Variants in SLC5A10 observed in about 807,000 individuals in gnomAD.
SLC5A10 encodes solute carrier family 5 member 10.
In SLC5A10, 55 loss-of-function variants were observed where a neutral mutation model predicts 68.9. The observed-to-expected ratio is 0.80, with a 90% CI of 0.64 to 1.00. The LOEUF (loss-of-function observed/expected upper bound fraction) is 1.00. SLC5A10 is among the 50% of genes least tolerant of loss of function. SLC5A10 has a pLI of 0.00. For synonymous variants in SLC5A10, 344 were observed against 344.8 expected (o/e 1.00, Z 0.02); for missense variants, 732 against 819.3 (o/e 0.89, Z 1.30).
Position 18,971,847 on chromosome 17 carries a change from T to C in SLC5A10, c.846+629T>C, listed in dbSNP as rs1350136166. 20 of 1,331,530 alleles carry C rather than the reference T, an allele frequency of 1.5e-5. No individual in the cohort carries two copies. Among genetic ancestry groups the C allele is most frequent in the Non-Finnish European group, 2.0e-5 (20 of 988,510 alleles). The allele number at this position is 1,331,530 out of a possible 1,614,324, so 82.5% of individuals were successfully genotyped here. ...GCACACAGGAGCCGGCAGGCCCGGG[T>C]TCGCCTCCTGGCTCTGCCATTCACC... On this transcript the variant is annotated intron_variant, in intron 8 of 14. Coordinates refer to ENST00000395645, the MANE Select transcript of SLC5A10 (RefSeq NM_001042450.4). This position sits in a 1 kb window ranked among gnomAD's most constrained non-coding sequence, Gnocchi z 5.5.
chr17:18,956,445 GTTTTTTCTTTTTTCTTTCTGTTTTT>G (rs1231316257), intron 1 of SLC5A10, among the ~76,000 whole-genome samples: 5 of 117,062 alleles, frequency 4.3e-5, no homozygotes, highest in Admixed American at 2.5e-4. Context: ...AAATTCTTCT[GTTTTTTCTTTTTTCTTTCTGTTTTT>G]TTTTTTTTTT....
intron 9 of SLC5A10, among the ~76,000 whole-genome samples, chr17:19,011,215 C>T (rs977322605): frequency 6.6e-6 from 1 of 152,220 alleles, no homozygotes; most frequent in Non-Finnish European, 1.5e-5. Flanking sequence ...GAAGCTGCTA[C>T]TGCCTTGGGG....
intron 9 of SLC5A10, chr17:18,979,169 T>C (rs2043065078): frequency 2.1e-6 from 1 of 485,222 alleles, no homozygotes. Flanking sequence ...GCTGCTGCCA[T>C]GCGTCTATGC....
rs753603133 is a variant in SLC5A10 at position 18,977,003 on chromosome 17, C to T, written c.982+14C>T. ...CATTGTTCCCAGGTAGGACGGGCTC[C>T]GGGCACTGAACCCAGGCTGCAGGGC... On this transcript the variant is annotated intron_variant, in intron 9 of 14. Coordinates refer to ENST00000395645, the MANE Select transcript of SLC5A10 (RefSeq NM_001042450.4). 65 of 1,610,234 alleles carry T rather than the reference C, an allele frequency of 4.0e-5. No individual in the cohort carries two copies. The highest frequency in any genetic ancestry group is 5.1e-5 in the Non-Finnish European group (60 of 1,179,728).
chr17:18,983,242 C>A (rs558336600), intron 9 of SLC5A10, among the ~76,000 whole-genome samples: 2 of 152,370 alleles, frequency 1.3e-5, no homozygotes, highest in Non-Finnish European at 2.9e-5. Flanking sequence ...TGGCCAAACA[C>A]CGTCTCCTTT....
Position 19,003,987 on chromosome 17 carries a change from T to C in SLC5A10, c.983-9423T>C. On this transcript the variant is annotated intron_variant, in intron 9 of 14. Coordinates refer to ENST00000395645, the MANE Select transcript of SLC5A10 (RefSeq NM_001042450.4). This position sits in a 1 kb window ranked among gnomAD's most constrained non-coding sequence, Gnocchi z 4.5. Reference sequence around the variant, plus strand: ...TAGAAGAACTCAGGCTTGGACTCGCTGGAGCGCCAGTTCACATGGTTGTCG... The same window carrying C: ...TAGAAGAACTCAGGCTTGGACTCGCCGGAGCGCCAGTTCACATGGTTGTCG... 1 of 1,612,256 alleles carries C rather than the reference T, an allele frequency of 6.2e-7. No individual in the cohort carries two copies. The highest frequency in any genetic ancestry group is 8.5e-7 in the Non-Finnish European group (1 of 1,179,586).
chr17:19,005,566 G>A (rs7218780), intron 9 of SLC5A10, among the ~76,000 whole-genome samples: 7,933 of 152,212 alleles, frequency 0.052, 286 homozygotes, highest in African/African-American at 0.09. Context: ...TACTTGCTCT[G>A]GATCTGGATG....
chr17:18,971,177 G>A lies in SLC5A10; in HGVS notation c.805G>A (p.Gly269Ser), dbSNP rs1489503949. 4.3e-6 allele frequency: 7 copies of A among 1,613,936 alleles called. No homozygotes were observed. The African/African-American group carries it at 9.3e-5, about 22-fold the overall frequency. The change falls in exon 8 of 15, where the codon GGC (glycine) becomes AGC (serine). Residue 269 changes from glycine to serine, a missense_variant. Transcript: ENST00000395645. The surrounding 1 kb of genome is among the most constrained non-coding windows in gnomAD (Gnocchi z 5.5). Reference protein sequence around the residue: ...GDLPWTGMTFGLTIMATWYWC... With the variant: ...GDLPWTGMTFSLTIMATWYWC... ...CCTGCCGTGGACCGGGATGACCTTT[G>A]GCCTGACCATCATGGCCACCTGGTA... is the stretch of plus-strand genomic sequence containing the variant.
At chr17:18,998,424 G>A (rs1290170252) in intron 9 of SLC5A10, among the ~76,000 whole-genome samples, 1 of 152,266 alleles carries the variant, frequency 6.6e-6, no homozygotes, top group African/African-American at 2.4e-5. Context: ...TCTCCAGCCA[G>A]GGAGACCCAA....
chr17:19,019,793 G>C lies in SLC5A10; in HGVS notation c.1491G>C (p.Pro497=). The part of the protein sequence containing the change: ...LVLEFLNPAP[P]CGEPDTRPAV... ...TGGAATTCCTGAACCCAGCCCCACC[G>C]TGCGGAGAGCCAGACACGCGGCCAG... The change falls in exon 13 of 15, where the codon CCG becomes CCC. Residue 497 remains proline (P), a synonymous_variant. Coordinates refer to ENST00000395645, the MANE Select transcript of SLC5A10 (RefSeq NM_001042450.4). 3 of 1,613,244 alleles carry C rather than the reference G, an allele frequency of 1.9e-6. No individual in the cohort carries two copies. The South Asian group carries it at 3.3e-5, about 18-fold the overall frequency.
chr17:18,970,137 C>T (rs2042805011), intron 7 of SLC5A10: 1 of 152,276 alleles, frequency 6.6e-6, no homozygotes, highest in African/African-American at 2.4e-5. Context: ...GACCTGAGCT[C>T]CATGGGAACA....
At chr17:18,977,821 C>T in intron 9 of SLC5A10, 1 of 1,608,620 alleles carries the variant, frequency 6.2e-7, no homozygotes, top group Non-Finnish European at 8.5e-7. Context: ...ACTCCTCTGA[C>T]ACAGAGGAAG....
chr17:18,981,116 C>G (rs919411964), intron 9 of SLC5A10, among the ~76,000 whole-genome samples: 1 of 152,214 alleles, frequency 6.6e-6, no homozygotes, highest in Non-Finnish European at 1.5e-5. Context: ...AGGATCCCAC[C>G]TGGGAGGTGA....
At chr17:18,969,449 G>T in intron 7 of SLC5A10, 27 bp downstream of exon 7, 2 of 1,604,270 alleles carry the variant, frequency 1.2e-6, no homozygotes, top group Non-Finnish European at 1.7e-6. Flanking sequence ...TGGCCATGGC[G>T]GGGCTGTCCC....
intron 4 of SLC5A10, among the ~76,000 whole-genome samples, 167 bp downstream of exon 4, chr17:18,959,830 C>T (rs572768702): frequency 6.6e-6 from 1 of 151,274 alleles, no homozygotes; most frequent in African/African-American, 2.5e-5. Flanking sequence ...AGGTGGATCC[C>T]GACTAATATT....
intron 10 of SLC5A10, 102 bp from the exon 11 acceptor site, chr17:19,014,947 T>G (rs2044100714): frequency 3.6e-5 from 50 of 1,408,126 alleles, no homozygotes; most frequent in Non-Finnish European, 4.6e-5. Context: ...TGGAGGAGCA[T>G]GCAAATGGCG....
chr17:19,020,052 G>T, intron 13 of SLC5A10, 103 bp from the exon 14 acceptor site: 5 of 1,446,228 alleles, frequency 3.5e-6, no homozygotes, highest in South Asian at 1.2e-5. Context: ...GTCCCTTTTT[G>T]AACTCAGCTG....
In SLC5A10 at chr17:18,955,108, A is replaced by AC. The variant is rs1430498335; in HGVS notation, c.111+2792_111+2793insC. On this transcript the variant is annotated intron_variant, in intron 1 of 14. Coordinates refer to ENST00000395645, the MANE Select transcript of SLC5A10 (RefSeq NM_001042450.4). ...ATCAAAAAAAAAAAAAAAAAAAAAA[A>AC]AAGAATTCAGGAAATGTAATTGTGT... Among the ~76,000 whole-genome samples, 924 of 122,244 alleles carry AC rather than the reference A, an allele frequency of 7.6e-3. 9 individuals carry two copies. Among genetic ancestry groups the AC allele is most frequent in the African/African-American group, 0.026 (888 of 34,058 alleles). The allele number at this position is 122,244 out of a possible 152,430, so 80.2% of individuals were successfully genotyped here.
At chr17:18,974,012 C>T (rs909543031) in intron 8 of SLC5A10, among the ~76,000 whole-genome samples, 3 of 151,714 alleles carry the variant, frequency 2.0e-5, no homozygotes, top group Non-Finnish European at 4.4e-5. Context: ...CCTGCCTCAG[C>T]CTCCTAAGTA....
Sources: allele counts gnomAD v4.1 joint callset (sites outside exome capture counted in the v4.1 genomes callset), GRCh38; gene constraint gnomAD v4.1.1; non-coding constraint Gnocchi (gnomAD v3.1); transcripts MANE v1.5; gene names NCBI Gene and HGNC (gene_info 2026-07-23, HGNC 2026-07-21).